NSD1: variants seen among roughly 807,000 people sequenced by gnomAD.
NSD1 encodes histone-lysine N-methyltransferase, H3 lysine-36 specific.
NSD1 carries 26 observed loss-of-function variants against 242.7 expected under a neutral mutation model. The ratio of observed to expected loss-of-function variants is 0.11; its 90% CI spans 0.08 to 0.15. NSD1 has a LOEUF of 0.15. NSD1 is among the 10% of genes least tolerant of loss of function. NSD1 has a pLI of 1.00. For missense variants in NSD1, 2,495 were observed against 3,272.8 expected, an observed-to-expected ratio of 0.76 and a Z score of 5.80; for synonymous variants, 1,106 against 1,178.1, an observed-to-expected ratio of 0.94 and a Z score of 1.25.
intron 3 of NSD1, among the ~76,000 whole-genome samples, chr5:177,199,891 G>A (rs1290041995): frequency 6.6e-6 from 1 of 151,904 alleles, no homozygotes; most frequent in African/African-American, 2.4e-5. Flanking sequence ...CACCACGCCC[G>A]GCCTCAACTT....
chr5:177,176,592 C>G (rs181362924), intron 2 of NSD1, among the ~76,000 whole-genome samples: 1 of 152,044 alleles, frequency 6.6e-6, no homozygotes, highest in Non-Finnish European at 1.5e-5. Context: ...CCACCACACC[C>G]GACCCCATTA....
At chr5:177,161,220 C>CA (rs376387460) in intron 2 of NSD1, among the ~76,000 whole-genome samples, 2 of 151,562 alleles carry the variant, frequency 1.3e-5, no homozygotes, top group Non-Finnish European at 2.9e-5. Flanking sequence ...CCGGCCTCTA[C>CA]AAAAAAAATA....
intron 14 of NSD1, chr5:177,266,637 T>G: frequency 2.1e-6 from 1 of 486,568 alleles, no homozygotes. Flanking sequence ...CCCGCCTTTT[T>G]CTATAGTAGG....
rs570487450 is a variant in NSD1, at chr5:177,146,348, G to T, written c.927+10318G>T. The stretch of plus-strand genomic sequence containing the variant: ...AGCCTCCTGAGTAGCTGGGACTACA[G>T]GCGTGTGCTATGACGCCCAGCTAGT... On this transcript the variant is annotated intron_variant, in intron 2 of 22. Coordinates refer to ENST00000439151, the MANE Select transcript of NSD1 (RefSeq NM_022455.5). 7.9e-5 allele frequency among the ~76,000 whole-genome samples: 12 copies of T among 151,772 alleles called. No individual in the cohort carries two copies. In the South Asian group the frequency reaches 2.5e-3, roughly 32 times the overall value.
Position 177,244,180 on chromosome 5 carries a change from T to C in NSD1, c.4303-15T>C. On this transcript the variant is annotated splice_polypyrimidine_tract_variant and intron_variant, in intron 8 of 22. Coordinates refer to ENST00000439151, the MANE Select transcript of NSD1 (RefSeq NM_022455.5). ...TCATTCCTCTGTAAATGGTGTTGTT[T>C]TCACTTATTTATAGTGCTATGAAGC... is the stretch of plus-strand genomic sequence containing the variant. 6.3e-7 allele frequency: 1 copy of C among 1,590,154 alleles called. No homozygotes were observed. Among genetic ancestry groups the C allele is most frequent in the South Asian group, 1.1e-5 (1 of 90,386 alleles).
chr5:177,233,755 C>T (rs539908686), intron 5 of NSD1, among the ~76,000 whole-genome samples: 1 of 152,184 alleles, frequency 6.6e-6, no homozygotes, highest in South Asian at 2.1e-4. Flanking sequence ...GGAAGCTGGA[C>T]AGGATGATGA....
At chr5:177,147,642 T>C (rs1012289452) in intron 2 of NSD1, among the ~76,000 whole-genome samples, 4 of 151,616 alleles carry the variant, frequency 2.6e-5, no homozygotes, top group African/African-American at 9.7e-5. Context: ...CAGGCTGGAG[T>C]GCAATGGCAT....
intron 3 of NSD1, among the ~76,000 whole-genome samples, chr5:177,197,651 T>C (rs1371148623): frequency 6.6e-6 from 1 of 152,134 alleles, no homozygotes; most frequent in Non-Finnish European, 1.5e-5. Flanking sequence ...ACAATTACAC[T>C]GTAATAAAAG....
chr5:177,266,315 G>A (rs1473747028), intron 14 of NSD1: 7 of 723,946 alleles, frequency 9.7e-6, no homozygotes, highest in East Asian at 5.7e-5. Context: ...AATCTTCACC[G>A]CATAATCAGA....
chr5:177,175,388 G>T (rs903314331), intron 2 of NSD1, among the ~76,000 whole-genome samples: 17 of 152,108 alleles, frequency 1.1e-4, no homozygotes, highest in Non-Finnish European at 1.9e-4. Context: ...CACTCTGTGA[G>T]GCCAGTGCAG....
At chr5:177,230,719 C>T (rs1282566018) in intron 5 of NSD1, among the ~76,000 whole-genome samples, 13 of 151,138 alleles carry the variant, frequency 8.6e-5, no homozygotes, top group South Asian at 2.1e-4. Context: ...CCCAGCTACT[C>T]GGGAGACTGA....
Position 177,210,780 on chromosome 5 carries a change from A to G in NSD1, c.2381A>G (p.His794Arg), listed in dbSNP as rs765699690. Residue 794 changes from histidine (H) to arginine (R), a missense_variant, in exon 5 of 23, where the codon CAC (histidine) becomes CGC (arginine). Coordinates refer to ENST00000439151, the MANE Select transcript of NSD1 (RefSeq NM_022455.5). The stretch of plus-strand genomic sequence containing the variant: ...AAGTTCCGAAGTATAAAGTGCAAAC[A>G]CAAAGAAAATCCAGTTATGGCAGAA... ...QPKFRSIKCK[H>R]KENPVMAEPP... 1.2e-6 allele frequency: 2 copies of G among 1,614,244 alleles called. No individual in the cohort carries two copies. Among genetic ancestry groups the G allele is most frequent in the Non-Finnish European group, 1.7e-6 (2 of 1,180,048 alleles).
At chr5:177,184,463 A>G (rs935913184) in intron 2 of NSD1, among the ~76,000 whole-genome samples, 2 of 151,838 alleles carry the variant, frequency 1.3e-5, no homozygotes, top group Non-Finnish European at 2.9e-5. Context: ...GGAAAACTTT[A>G]ATTTGATTGT....
At position 177,161,374 on chromosome 5, in the gene NSD1, C is replaced by CA. The variant is rs950325610; in HGVS notation, c.927+25355dup. 2.6e-4 allele frequency among the ~76,000 whole-genome samples: 37 copies of CA among 143,756 alleles called. 1 individual carries two copies. The highest frequency in any genetic ancestry group is 7.2e-3 in the Middle Eastern group (2 of 278). The allele number at this position is 143,756 out of a possible 152,430, so 94.3% of individuals were successfully genotyped here. On this transcript the variant is annotated intron_variant, in intron 2 of 22. Coordinates refer to ENST00000439151, the MANE Select transcript of NSD1 (RefSeq NM_022455.5). ...TGGGTGACAGAGTGAGATGCTGTCT[C>CA]AAAAAAAAAAATTCAGTGTGGCGTG...
chr5:177,257,970 G>A (rs1442615913), intron 13 of NSD1, among the ~76,000 whole-genome samples: 1 of 116,208 alleles, frequency 8.6e-6, no homozygotes, highest in Non-Finnish European at 1.9e-5. Context: ...GGCCCCCCTG[G>A]GCCTTTTTTT....
intron 13 of NSD1, among the ~76,000 whole-genome samples, chr5:177,258,147 A>C (rs922107238): frequency 4.1e-4 from 61 of 150,144 alleles, no homozygotes; most frequent in Non-Finnish European, 1.0e-4. Flanking sequence ...TGCCTCGCTA[A>C]TTTTGTATTT....
chr5:177,204,834 G>A (rs1027099091), intron 4 of NSD1, among the ~76,000 whole-genome samples: 17 of 152,064 alleles, frequency 1.1e-4, no homozygotes, highest in Non-Finnish European at 1.8e-4. Flanking sequence ...GGGCTAGCTT[G>A]TGACATATTT....
intron 2 of NSD1, among the ~76,000 whole-genome samples, chr5:177,173,451 A>ATATT (rs1759895300): frequency 6.8e-6 from 1 of 146,216 alleles, no homozygotes; most frequent in Admixed American, 6.8e-5. Flanking sequence ...AGAATCTAAA[A>ATATT]TATTTACTAT....
rs867877508 is a variant in NSD1 at position 177,209,898 on chromosome 5, G to C, written c.1499G>C (p.Arg500Thr). 1 of 1,614,158 alleles carries C rather than the reference G, an allele frequency of 6.2e-7. No individual in the cohort carries two copies. The highest frequency in any genetic ancestry group is 8.5e-7 in the Non-Finnish European group (1 of 1,180,028). ...KEKPCAKSRA[R>T]KSSDNPKRTS... is the part of the protein sequence containing the mutation. The stretch of plus-strand genomic sequence containing the variant: ...AAGCCTTGCGCTAAATCTCGAGCCA[G>C]AAAGAGCTCTGATAATCCAAAAAGG... The change falls in exon 5 of 23, where the codon AGA (arginine) becomes ACA (threonine). Residue 500 changes from arginine (R) to threonine (T), a missense_variant. Around this residue, in one of 19 missense-constraint regions of NSD1, gnomAD observed 515 missense variants for 467.0 expected, o/e 1.10. Transcript: ENST00000439151.
Sources: allele counts gnomAD v4.1 joint callset (sites outside exome capture counted in the v4.1 genomes callset), GRCh38; gene constraint gnomAD v4.1.1; regional missense constraint gnomAD v4.1.1; transcripts MANE v1.5; gene names NCBI Gene and HGNC (gene_info 2026-07-23, HGNC 2026-07-21).